Variants in SOX5 observed in about 807,000 individuals in gnomAD.
The protein encoded by SOX5 is transcription factor SOX-5.
Under a neutral mutation model 92.0 loss-of-function variants are expected in SOX5, and 9 were observed. The ratio of observed to expected loss-of-function variants is 0.10; its 90% confidence interval spans 0.06 to 0.17. The LOEUF (loss-of-function observed/expected upper bound fraction) is 0.17. SOX5 is among the 10% of genes least tolerant of loss of function. The pLI is 1.00. For missense variants in SOX5, 642 were observed against 944.5 expected (o/e 0.68, Z 4.20); for synonymous variants, 344 against 336.3 (o/e 1.02, Z -0.25).
intron 6 of SOX5, among the ~76,000 whole-genome samples, chr12:23,724,695 G>A (rs146134755): frequency 8.8e-4 from 134 of 152,254 alleles, no homozygotes; most frequent in African/African-American, 3.1e-3. Flanking sequence ...GCTGTCAGAG[G>A]TGGCCTCCCT....
At chr12:23,658,565 G>A (rs906204746) in intron 7 of SOX5, among the ~76,000 whole-genome samples, 1 of 152,100 alleles carries the variant, frequency 6.6e-6, no homozygotes, top group African/African-American at 2.4e-5. Flanking sequence ...CAGAGGAGAG[G>A]GGAAGAGCTG....
At chr12:24,050,444 T>C (rs1365383077) in intron 4 of SOX5, among the ~76,000 whole-genome samples, 2 of 152,182 alleles carry the variant, frequency 1.3e-5, no homozygotes, top group Non-Finnish European at 2.9e-5. Context: ...GGTCTGTTTA[T>C]ATTTTACTTT....
chr12:24,226,183 C>CA (rs1054324572), intron 3 of SOX5, among the ~76,000 whole-genome samples: 29 of 150,806 alleles, frequency 1.9e-4, no homozygotes, highest in Non-Finnish European at 3.7e-4. Context: ...TCTCATGGTT[C>CA]AAAAAAAAAC....
chr12:24,270,997 A>G (rs181086518), intron 3 of SOX5, among the ~76,000 whole-genome samples: 157 of 152,366 alleles, frequency 1.0e-3, no homozygotes, highest in Non-Finnish European at 1.5e-3. Context: ...TTCTTCTGAC[A>G]CATATATACA....
At chr12:23,743,554 C>G (rs796066528) in intron 4 of SOX5, among the ~76,000 whole-genome samples, 1 of 152,108 alleles carries the variant, frequency 6.6e-6, no homozygotes, top group African/African-American at 2.4e-5. Context: ...TCGTGATCCT[C>G]CCGCCTCAGC....
chr12:24,356,256 G>A (rs1447375787), intron 2 of SOX5, among the ~76,000 whole-genome samples: 3 of 152,158 alleles, frequency 2.0e-5, no homozygotes, highest in African/African-American at 7.2e-5. Context: ...GGGACATAAA[G>A]GAAGGAAAGA....
intron 3 of SOX5, among the ~76,000 whole-genome samples, chr12:23,760,457 C>G (rs2094531589): frequency 6.6e-6 from 1 of 152,094 alleles, no homozygotes; most frequent in Admixed American, 6.6e-5. Context: ...CATCAACACA[C>G]TAATATTAAG....
chr12:23,834,426 G>A (rs1228704952), intron 3 of SOX5, among the ~76,000 whole-genome samples: 1 of 151,890 alleles, frequency 6.6e-6, no homozygotes, highest in East Asian at 1.9e-4. Context: ...ATAATAACAC[G>A]AGCAAATCAG....
chr12:24,507,597 T>C (rs1028477869), intron 1 of SOX5, among the ~76,000 whole-genome samples: 5 of 152,156 alleles, frequency 3.3e-5, no homozygotes, highest in Admixed American at 2.0e-4. Context: ...AAAAAGACTT[T>C]TTTGCAACAA....
intron 6 of SOX5, among the ~76,000 whole-genome samples, chr12:23,714,408 G>GGT (rs1377203635): frequency 6.6e-6 from 1 of 151,716 alleles, no homozygotes; most frequent in Non-Finnish European, 1.5e-5. Context: ...GATAACTTGA[G>GGT]GTCAGGAGTT....
intron 1 of SOX5, among the ~76,000 whole-genome samples, chr12:23,944,843 C>T (rs1944280477): frequency 1.3e-5 from 2 of 152,120 alleles, no homozygotes; most frequent in Admixed American, 1.3e-4. Flanking sequence ...TATCTTACTG[C>T]CATCATCTGA....
intron 4 of SOX5, among the ~76,000 whole-genome samples, chr12:24,039,562 T>C (rs1304116280): frequency 6.6e-6 from 1 of 152,162 alleles, no homozygotes; most frequent in Non-Finnish European, 1.5e-5. Flanking sequence ...TCACATTTAA[T>C]AATAAGAGGG....
chr12:23,588,913 G>A (rs893018374), intron 9 of SOX5, among the ~76,000 whole-genome samples: 1 of 151,866 alleles, frequency 6.6e-6, no homozygotes, highest in African/African-American at 2.4e-5. Flanking sequence ...TGTTACACCT[G>A]CCTACACTAT....
chr12:24,156,332 C>T (rs1201651945), intron 4 of SOX5, among the ~76,000 whole-genome samples: 8 of 152,250 alleles, frequency 5.3e-5, no homozygotes, highest in Middle Eastern at 3.4e-3. Context: ...CCTGTCCTGC[C>T]GCCCCCACCC....
chr12:24,243,992 C>A (rs1735326764), intron 3 of SOX5, among the ~76,000 whole-genome samples: 1 of 144,122 alleles, frequency 6.9e-6, no homozygotes, highest in Non-Finnish European at 1.5e-5. Context: ...GCAAGTGGAA[C>A]AAGGTAACCA....
chr12:24,304,026 G>A (rs890961687), intron 2 of SOX5, among the ~76,000 whole-genome samples: 5 of 152,232 alleles, frequency 3.3e-5, no homozygotes, highest in East Asian at 1.9e-4. Context: ...ACTGAGTATC[G>A]ATGAGTCTAC....
At chr12:24,541,160 G>A (rs975399330) in intron 1 of SOX5, among the ~76,000 whole-genome samples, 4 of 152,186 alleles carry the variant, frequency 2.6e-5, no homozygotes, top group African/African-American at 4.8e-5. Flanking sequence ...CAAGGTGCGA[G>A]CTTATACTTT....
intron 12 of SOX5, among the ~76,000 whole-genome samples, chr12:23,545,437 A>G (rs576843299): frequency 6.6e-6 from 1 of 152,260 alleles, no homozygotes; most frequent in South Asian, 2.1e-4. Context: ...AAATCAGAGT[A>G]TCAATTTAAT....
chr12:23,693,959 A>G (rs2089362206), intron 6 of SOX5, among the ~76,000 whole-genome samples: 2 of 152,192 alleles, frequency 1.3e-5, no homozygotes, highest in South Asian at 4.1e-4. Context: ...AGATATCCGT[A>G]AAGTTGTTAT....
Sources: allele counts gnomAD v4.1 joint callset (sites outside exome capture counted in the v4.1 genomes callset), GRCh38; gene constraint gnomAD v4.1.1; transcripts MANE v1.5; gene names NCBI Gene and HGNC (gene_info 2026-07-23, HGNC 2026-07-21).